LSAMP: variants seen among roughly 807,000 people sequenced by gnomAD.
The protein encoded by LSAMP is limbic system associated membrane protein.
LSAMP carries 7 observed loss-of-function variants against 38.6 expected under a neutral mutation model. The ratio of observed to expected loss-of-function variants is 0.18; its 90% CI spans 0.10 to 0.34. LSAMP has a LOEUF of 0.34. Among genes scored for constraint, LSAMP ranks in the 10% least tolerant of loss-of-function variants. The probability of loss-of-function intolerance (pLI) is 1.00; values close to 1 mark genes in which losing one functional copy is unlikely to be tolerated. For synonymous variants in LSAMP, 154 were observed against 166.8 expected, an observed-to-expected ratio of 0.92 and a Z score of 0.59; for missense variants, 313 against 420.0, an observed-to-expected ratio of 0.75 and a Z score of 2.23.
chr3:115,816,585 T>C (rs36098686), intron 6 of LSAMP: 72,046 of 1,241,410 alleles, frequency 0.058, 2,402 homozygotes, highest in African/African-American at 0.11. Flanking sequence ...TTTTGACATA[T>C]GGAAGGTAAC....
chr3:115,999,216 G>A (rs1328761418), intron 3 of LSAMP, among the ~76,000 whole-genome samples: 1 of 152,144 alleles, frequency 6.6e-6, no homozygotes, highest in South Asian at 2.1e-4. Context: ...GGAATCTTCC[G>A]AATCACAAGC....
At chr3:116,036,960 T>C (rs1292741034) in intron 2 of LSAMP, among the ~76,000 whole-genome samples, 2 of 152,294 alleles carry the variant, frequency 1.3e-5, no homozygotes, top group East Asian at 3.9e-4. Flanking sequence ...TCTCTCTGTC[T>C]TGGTATCTTT....
intron 1 of LSAMP, among the ~76,000 whole-genome samples, chr3:116,304,984 G>A (rs949167780): frequency 6.6e-6 from 1 of 152,076 alleles, no homozygotes; most frequent in Non-Finnish European, 1.5e-5. Context: ...AGGGAGATAA[G>A]TCAAAATACA....
intron 1 of LSAMP, among the ~76,000 whole-genome samples, chr3:116,283,144 C>T (rs938711051): frequency 1.3e-5 from 2 of 151,544 alleles, no homozygotes; most frequent in African/African-American, 4.8e-5. Context: ...CCCCAAAGTC[C>T]CAATCCCAGA....
At chr3:116,377,032 T>C (rs1446745960) in intron 1 of LSAMP, among the ~76,000 whole-genome samples, 1 of 152,080 alleles carries the variant, frequency 6.6e-6, no homozygotes, top group Non-Finnish European at 1.5e-5. Flanking sequence ...CCAGTTCAAA[T>C]ACCATTTTAT....
intron 3 of LSAMP, among the ~76,000 whole-genome samples, chr3:115,963,049 T>C (rs1938681161): frequency 6.6e-6 from 1 of 152,220 alleles, no homozygotes; most frequent in Non-Finnish European, 1.5e-5. Flanking sequence ...TCAGGTTATT[T>C]ATATATTTAA....
chr3:115,899,069 C>A (rs576978252), intron 3 of LSAMP, among the ~76,000 whole-genome samples: 105 of 152,178 alleles, frequency 6.9e-4, no homozygotes, highest in African/African-American at 2.5e-3. Context: ...GTGCTGAAAT[C>A]ATGGAAAAGG....
At chr3:116,374,142 T>C (rs1354113699) in intron 1 of LSAMP, among the ~76,000 whole-genome samples, 3 of 151,946 alleles carry the variant, frequency 2.0e-5, no homozygotes, top group Admixed American at 6.6e-5. Context: ...AGTCAAGAGA[T>C]TGAACTGTGG....
intron 6 of LSAMP, among the ~76,000 whole-genome samples, chr3:115,813,517 A>G (rs1405089999): frequency 6.6e-6 from 1 of 152,128 alleles, no homozygotes; most frequent in Non-Finnish European, 1.5e-5. Flanking sequence ...TATATTTGAA[A>G]CTTATTTTGT....
At chr3:115,820,738 C>CATAA (rs1934203101) in intron 6 of LSAMP, among the ~76,000 whole-genome samples, 1 of 152,136 alleles carries the variant, frequency 6.6e-6, no homozygotes, top group Non-Finnish European at 1.5e-5. Flanking sequence ...TACCTGAATG[C>CATAA]ATAAATAAAT....
intron 1 of LSAMP, among the ~76,000 whole-genome samples, chr3:116,159,455 A>G (rs1302402688): frequency 2.0e-5 from 3 of 152,314 alleles, no homozygotes; most frequent in African/African-American, 7.2e-5. Context: ...ATGAACAGAT[A>G]CTTTTCAAAA....
At chr3:115,894,031 T>C (rs1936667992) in intron 3 of LSAMP, among the ~76,000 whole-genome samples, 1 of 152,060 alleles carries the variant, frequency 6.6e-6, no homozygotes, top group Admixed American at 6.6e-5. Context: ...TCATGTCTGC[T>C]TTCTCCCTTT....
chr3:115,848,695 G>A (rs549593231), intron 4 of LSAMP, among the ~76,000 whole-genome samples: 4 of 152,266 alleles, frequency 2.6e-5, no homozygotes, highest in South Asian at 2.1e-4. Flanking sequence ...CCAGGGTGGA[G>A]GCAGAACTGA....
chr3:116,359,668 G>A (rs939757184), intron 1 of LSAMP, among the ~76,000 whole-genome samples: 2 of 152,088 alleles, frequency 1.3e-5, no homozygotes, highest in African/African-American at 4.8e-5. Flanking sequence ...CATATGTCAT[G>A]GTGGTTTGCT....
chr3:116,419,284 T>C (rs1362046698), intron 1 of LSAMP, among the ~76,000 whole-genome samples: 1 of 152,240 alleles, frequency 6.6e-6, no homozygotes, highest in African/African-American at 2.4e-5. Context: ...TTGCCACATA[T>C]TTTCGAAGCC....
rs145432201 is a variant in LSAMP, at chr3:115,882,035, G to T, written c.515-29418C>A. Among the ~76,000 whole-genome samples the T allele has an allele frequency of 5.3e-5, 8 of 152,218 alleles. No homozygotes were observed. The East Asian group carries it at 1.5e-3, about 29-fold the overall frequency. ...TAGACTGTTTCAAGGTTTAAAAAGTGAAGCCCCTTGTCTCAAGGTGAGAAA... is the reference window on the plus strand; with the variant it reads ...TAGACTGTTTCAAGGTTTAAAAAGTTAAGCCCCTTGTCTCAAGGTGAGAAA... On this transcript the variant is annotated intron_variant, in intron 3 of 6. Transcript: ENST00000490035.
chr3:116,171,483 T>G (rs534771107), intron 1 of LSAMP, among the ~76,000 whole-genome samples: 2 of 152,204 alleles, frequency 1.3e-5, no homozygotes, highest in African/African-American at 4.8e-5. Flanking sequence ...TCATGTTACC[T>G]CCACAAATAA....
intron 1 of LSAMP, among the ~76,000 whole-genome samples, chr3:116,391,867 G>T (rs2048704671): frequency 6.6e-6 from 1 of 152,180 alleles, no homozygotes; most frequent in East Asian, 1.9e-4. Context: ...TTCTCTGCCT[G>T]GGAAGAGGTT....
At chr3:116,424,359 T>C (rs935275374) in intron 1 of LSAMP, among the ~76,000 whole-genome samples, 4 of 152,184 alleles carry the variant, frequency 2.6e-5, no homozygotes, top group African/African-American at 7.2e-5. Flanking sequence ...TTATAGTTCA[T>C]TGGGGAAATA....
Sources: gnomAD v4.1 joint callset for allele counts (sites outside exome capture counted in the v4.1 genomes callset) on GRCh38, gnomAD v4.1.1 for gene constraint, MANE v1.5 for transcripts, NCBI Gene and HGNC (gene_info 2026-07-23, HGNC 2026-07-21) for gene names.